The following ZNF143 variants were observed in gnomAD, a reference collection of about 807,000 sequenced individuals.
The protein encoded by ZNF143 is SPH-binding factor.
A neutral mutation model predicts 74.1 loss-of-function variants in ZNF143; 49 were observed. The ratio of observed to expected loss-of-function variants is 0.66; its 90% confidence interval spans 0.53 to 0.84. The LOEUF (loss-of-function observed/expected upper bound fraction) is 0.84. Among genes scored for constraint, ZNF143 ranks in the 40% least tolerant of loss-of-function variants. ZNF143 has a pLI of 0.00. For missense variants in ZNF143, 637 were observed against 793.4 expected (o/e 0.80, Z 2.37); for synonymous variants, 304 against 282.8 (o/e 1.07, Z -0.75).
At position 9,481,758 on chromosome 11, in the gene ZNF143, T is replaced by A. The variant is rs531275396; in HGVS notation, c.645+2212T>A. Among the ~76,000 whole-genome samples the A allele has an allele frequency of 3.2e-3, 480 of 150,956 alleles. 4 individuals are homozygous for A. The highest frequency in any genetic ancestry group is 0.011 in the African/African-American group (456 of 41,182). On this transcript the variant is annotated intron_variant, in intron 7 of 15. Coordinates refer to ENST00000396602, the MANE Select transcript of ZNF143 (RefSeq NM_003442.6). Reference sequence around the variant, plus strand: ...CAAGAATTAGTTGGGTGTGGTGGTGTGCGCCTATAATCCCAGCTACTTGGG... The same window carrying A: ...CAAGAATTAGTTGGGTGTGGTGGTGAGCGCCTATAATCCCAGCTACTTGGG...
chr11:9,478,387 C>T lies in ZNF143; in HGVS notation c.374-3C>T, dbSNP rs1225879360. The T allele has an allele frequency of 1.9e-6, 3 of 1,607,956 alleles. No individual in the cohort carries two copies. Among genetic ancestry groups the T allele is most frequent in the East Asian group, 4.5e-5 (2 of 44,722 alleles). On this transcript the variant is annotated splice_region_variant and splice_polypyrimidine_tract_variant and intron_variant, in intron 5 of 15. Coordinates refer to ENST00000396602, the MANE Select transcript of ZNF143 (RefSeq NM_003442.6). Reference sequence around the variant, plus strand: ...TTAATGGCATTCTCTTCCACTCTCTCAGATAGTTATGACCAGAGTGCATTA... The same window carrying T: ...TTAATGGCATTCTCTTCCACTCTCTTAGATAGTTATGACCAGAGTGCATTA...
intron 11 of ZNF143, among the ~76,000 whole-genome samples, chr11:9,506,852 GGTGAAGCTAT>G (rs1219384524): frequency 6.6e-6 from 1 of 151,968 alleles, no homozygotes; most frequent in Non-Finnish European, 1.5e-5. Flanking sequence ...AGATGACCCA[GGTGAAGCTAT>G]GTAACTAGCC....
chr11:9,523,595 G>A (rs947531428), intron 14 of ZNF143, among the ~76,000 whole-genome samples: 69 of 152,080 alleles, frequency 4.5e-4, no homozygotes, highest in African/African-American at 1.6e-3. Flanking sequence ...TTAGCTGGGC[G>A]TGATGGCGGG....
Position 9,473,848 on chromosome 11 carries a change from G to C in ZNF143, c.206-93G>C, listed in dbSNP as rs770154067. ...ATCAAGATGAACACGAGCTTAAGTT[G>C]TGTATGTTTTTATAGTTGATATCAT... On this transcript the variant is annotated intron_variant, in intron 3 of 15. Transcript: ENST00000396602. 3.1e-6 allele frequency: 5 copies of C among 1,609,124 alleles called. No individual in the cohort carries two copies. In the African/African-American group the frequency reaches 6.7e-5, roughly 21 times the overall value.
At chr11:9,463,960 C>T (rs1856026121) in intron 1 of ZNF143, 1 of 152,030 alleles carries the variant, frequency 6.6e-6, no homozygotes, top group Non-Finnish European at 1.5e-5. Flanking sequence ...ATGGTATCTA[C>T]TTTTCTGCAA....
At chr11:9,486,445 T>TCA (rs374989379) in intron 7 of ZNF143, among the ~76,000 whole-genome samples, 1 of 35,468 alleles carries the variant, frequency 2.8e-5, no homozygotes, top group Admixed American at 5.5e-4. Flanking sequence ...ATATAATATA[T>TCA]TATATATATT....
At chr11:9,492,025 A>G (rs1024031598) in intron 7 of ZNF143, among the ~76,000 whole-genome samples, 22 of 151,444 alleles carry the variant, frequency 1.5e-4, no homozygotes, top group African/African-American at 4.9e-4. Flanking sequence ...GCTCACTGCA[A>G]CCTCTGCCTC....
chr11:9,508,847 G>T lies in ZNF143; in HGVS notation c.1375+1G>T. ...GAAGCCTTCTTTGAGCCGCCCCCAGGTGAGAGTTTTGTCTACTATATTTTG... is the reference window on the plus strand; with the variant it reads ...GAAGCCTTCTTTGAGCCGCCCCCAGTTGAGAGTTTTGTCTACTATATTTTG... On this transcript the variant is annotated splice_donor_variant, in intron 12 of 15. Coordinates refer to ENST00000396602, the MANE Select transcript of ZNF143 (RefSeq NM_003442.6). LOFTEE classifies it high-confidence loss of function. 6.4e-7 allele frequency: 1 copy of T among 1,569,540 alleles called. No individual in the cohort carries two copies. The highest frequency in any genetic ancestry group is 8.6e-7 in the Non-Finnish European group (1 of 1,156,424).
At chr11:9,520,303 T>G (rs115563724) in intron 14 of ZNF143, among the ~76,000 whole-genome samples, 5,303 of 149,742 alleles carry the variant, frequency 0.035, 294 homozygotes, top group African/African-American at 0.11. Context: ...CCCAAAGTGC[T>G]GAGCCACTGT....
intron 7 of ZNF143, among the ~76,000 whole-genome samples, chr11:9,486,395 TAA>T (rs1847505373): frequency 7.1e-4 from 15 of 21,146 alleles, no homozygotes; most frequent in South Asian, 6.7e-3. Flanking sequence ...ATAATATATA[TAA>T]TATATTATAT....
chr11:9,478,705 A>G, intron 6 of ZNF143, 119 bp downstream of exon 6: 6 of 1,131,994 alleles, frequency 5.3e-6, no homozygotes, highest in South Asian at 4.7e-5. Flanking sequence ...TTGGCTGGGC[A>G]TGGCGTGATG....
intron 14 of ZNF143, 27 bp downstream of exon 14, chr11:9,516,389 T>TCA: frequency 6.3e-7 from 1 of 1,577,362 alleles, no homozygotes; most frequent in Non-Finnish European, 8.6e-7. Context: ...GTTATGTCAA[T>TCA]CAATACATAT....
chr11:9,503,991 G>A (rs1265250142), intron 11 of ZNF143, among the ~76,000 whole-genome samples: 14 of 89,792 alleles, frequency 1.6e-4, no homozygotes, highest in African/African-American at 6.8e-4. Context: ...ACAGAGTCTT[G>A]CTGTGTCACT....
At chr11:9,526,774 T>C (rs1234393989) in intron 15 of ZNF143, among the ~76,000 whole-genome samples, 4 of 152,018 alleles carry the variant, frequency 2.6e-5, no homozygotes, top group Non-Finnish European at 4.4e-5. Context: ...CCCAAGTAAA[T>C]TGCAGGCCAG....
Position 9,525,246 on chromosome 11 carries a change from A to G in ZNF143, c.1693A>G (p.Ile565Val), listed in dbSNP as rs1319080185. The G allele has an allele frequency of 1.9e-6, 3 of 1,614,116 alleles. No individual in the cohort carries two copies. The highest frequency in any genetic ancestry group is 1.1e-5 in the South Asian group (1 of 91,082). ...AEGTEGEQVA[I>V]VAQDLAAFHT... ...TTGTTTTGTTTTGCTTAAGGTTGCA[A>G]TTGTAGCTCAAGACTTGGCAGCATT... The change falls in exon 15 of 16, where the codon ATT becomes GTT. Residue 565 changes from isoleucine (I) to valine (V), a missense_variant. Around this residue, in one of 2 missense-constraint regions of ZNF143, gnomAD observed 344 missense variants for 485.6 expected, o/e 0.71. Transcript: ENST00000396602.
At chr11:9,470,420 A>G (rs1381909519) in intron 1 of ZNF143, among the ~76,000 whole-genome samples, 1 of 152,214 alleles carries the variant, frequency 6.6e-6, no homozygotes, top group African/African-American at 2.4e-5. Flanking sequence ...GGGGTTTACC[A>G]TGATTGAGCA....
In ZNF143 at chr11:9,494,779, A is replaced by T; in HGVS notation, c.765+14A>T. The T allele has an allele frequency of 6.2e-7, 1 of 1,601,148 alleles. No homozygotes were observed. Among genetic ancestry groups the T allele is most frequent in the Non-Finnish European group, 8.6e-7 (1 of 1,169,570 alleles). ...CATCATCTCAAGGTATATATAAAAG[A>T]AATGTTCTATCTAGTTATGAGAATA... On this transcript the variant is annotated intron_variant, in intron 8 of 15. Transcript: ENST00000396602.
chr11:9,486,878 C>T (rs1847576780), intron 7 of ZNF143, among the ~76,000 whole-genome samples: 1 of 148,864 alleles, frequency 6.7e-6, no homozygotes, highest in African/African-American at 2.5e-5. Flanking sequence ...CTGTGTTAGC[C>T]AGGATGGTCT....
At chr11:9,494,854 C>G (rs1847905159) in intron 8 of ZNF143, 89 bp downstream of exon 8, 1 of 1,337,586 alleles carries the variant, frequency 7.5e-7, no homozygotes, top group African/African-American at 1.5e-5. Context: ...TCAAATGCCA[C>G]TGTTTTCTCC....
Sources: gnomAD v4.1 joint callset for allele counts (sites outside exome capture counted in the v4.1 genomes callset) on GRCh38, gnomAD v4.1.1 for gene constraint, gnomAD v4.1.1 regional missense constraint, MANE v1.5 for transcripts, NCBI Gene and HGNC (gene_info 2026-07-23, HGNC 2026-07-21) for gene names.